The following PPP1R37 variants were observed in gnomAD, a reference collection of about 807,000 sequenced individuals.
PPP1R37 encodes the protein leucine rich repeat containing 68.
In PPP1R37, 21 loss-of-function variants were observed where a neutral mutation model predicts 61.0. That is an observed-to-expected ratio of 0.34 (90% CI 0.24 to 0.50). The LOEUF (loss-of-function observed/expected upper bound fraction) is 0.50. PPP1R37 is among the 20% of genes least tolerant of loss of function. The pLI, the probability that PPP1R37 is intolerant of heterozygous loss-of-function variation, is 0.98. For synonymous variants in PPP1R37, 443 were observed against 433.5 expected (o/e 1.02, Z -0.27); for missense variants, 910 against 952.7 (o/e 0.96, Z 0.59).
chr19:45,113,140 T>C (rs1968222877), intron 1 of PPP1R37, among the ~76,000 whole-genome samples: 1 of 151,978 alleles, frequency 6.6e-6, no homozygotes, highest in African/African-American at 2.4e-5. Context: ...CACAGAGAAA[T>C]GTGAAGCCCA....
intron 1 of PPP1R37, among the ~76,000 whole-genome samples, chr19:45,101,877 A>T (rs1231126712): frequency 6.6e-6 from 1 of 152,206 alleles, no homozygotes; most frequent in Non-Finnish European, 1.5e-5. Flanking sequence ...GATAGCTGAC[A>T]CTTGACTTCA....
At chr19:45,110,914 C>T (rs1029257276) in intron 1 of PPP1R37, among the ~76,000 whole-genome samples, 6 of 152,136 alleles carry the variant, frequency 3.9e-5, no homozygotes, top group Admixed American at 1.3e-4. Flanking sequence ...GCAGGTGGCC[C>T]GAAATAGCCT....
At chr19:45,120,865 C>T (rs1021279543) in intron 1 of PPP1R37, among the ~76,000 whole-genome samples, 2 of 152,216 alleles carry the variant, frequency 1.3e-5, no homozygotes, top group Non-Finnish European at 2.9e-5. Context: ...CCACCTGCCT[C>T]AGCCTTGGCC....
chr19:45,128,068 C>T (rs549446947), intron 1 of PPP1R37, among the ~76,000 whole-genome samples: 91 of 151,810 alleles, frequency 6.0e-4, no homozygotes, highest in African/African-American at 1.9e-3. Flanking sequence ...CCACATGTAC[C>T]CCATAAATAT....
At position 45,130,225 on chromosome 19, in the gene PPP1R37, A is replaced by G. The variant is rs1188919967; in HGVS notation, c.203-8289A>G. Reference sequence around the variant, plus strand: ...TCTGGTGTGCCATTCCTGACTGCCAACCTGCACGATCAGGTCCCCTCCCCG... The same window carrying G: ...TCTGGTGTGCCATTCCTGACTGCCAGCCTGCACGATCAGGTCCCCTCCCCG... On this transcript the variant is annotated intron_variant, in intron 1 of 12. Transcript: ENST00000221462. The surrounding 1 kb of genome is among the most constrained non-coding windows in gnomAD (Gnocchi z 4.4). 2.0e-5 allele frequency among the ~76,000 whole-genome samples: 3 copies of G among 152,094 alleles called. No individual in the cohort carries two copies. Among genetic ancestry groups the G allele is most frequent in the African/African-American group, 4.8e-5 (2 of 41,424 alleles).
intron 8 of PPP1R37, 178 bp downstream of exon 8, chr19:45,143,811 A>T: frequency 3.9e-6 from 2 of 506,910 alleles, no homozygotes; most frequent in Non-Finnish European, 7.0e-6. Flanking sequence ...GTTTTCCCTG[A>T]GGAGGAGCCC....
rs1490561719 is a variant in PPP1R37 at position 45,130,570 on chromosome 19, G to A, written c.203-7944G>A. On this transcript the variant is annotated intron_variant, in intron 1 of 12. Coordinates refer to ENST00000221462, the MANE Select transcript of PPP1R37 (RefSeq NM_019121.2). This position sits in a 1 kb window ranked among gnomAD's most constrained non-coding sequence, Gnocchi z 4.4. ...GACCTGAGCCCGGTGGGGCCTCTGG[G>A]AACACTCCTTTCAAGGCCAGCTCAC... Among the ~76,000 whole-genome samples, 1 of 152,122 alleles carries A rather than the reference G, an allele frequency of 6.6e-6. No individual in the cohort carries two copies.
chr19:45,119,398 C>T (rs560553528), intron 1 of PPP1R37, among the ~76,000 whole-genome samples: 6 of 152,272 alleles, frequency 3.9e-5, no homozygotes, highest in African/African-American at 1.4e-4. Flanking sequence ...GGTGATCTGC[C>T]CACCTTGGCC....
chr19:45,132,263 G>A (rs1004161778), intron 1 of PPP1R37, among the ~76,000 whole-genome samples: 16 of 151,962 alleles, frequency 1.1e-4, no homozygotes, highest in Non-Finnish European at 2.4e-4. Context: ...CTGCATGCTG[G>A]AAAAACAAGA....
rs774446242 is a variant in PPP1R37 at position 45,145,470 on chromosome 19, G to T, written c.1414G>T (p.Ala472Ser). The change falls in exon 11 of 13, where the codon GCC becomes TCC. Residue 472 changes from alanine (A) to serine (S), a missense_variant. Ala to Ser is a moderately conservative substitution (Grantham distance 99). Transcript: ENST00000221462. ...GAAGGAGCAGCCGCCACAGCTGTCG[G>T]CCTCCATGCCTGAGACCACCGCCAC... is the stretch of plus-strand genomic sequence containing the variant. ...EEKEQPPQLS[A>S]SMPETTATEP... is the part of the protein sequence containing the mutation. The T allele has an allele frequency of 3.6e-5, 55 of 1,534,834 alleles. No homozygotes were observed.
At chr19:45,104,186 C>G (rs1968100322) in intron 1 of PPP1R37, among the ~76,000 whole-genome samples, 1 of 152,222 alleles carries the variant, frequency 6.6e-6, no homozygotes. Context: ...AATCCCCGGA[C>G]AAAGCTCTGC....
In PPP1R37 at chr19:45,093,463, C is replaced by T; in HGVS notation, c.138C>T (p.Val46=). The change falls in exon 1 of 13, where the codon GTC becomes GTT. Residue 46 remains valine (V), a synonymous_variant. Coordinates refer to ENST00000221462, the MANE Select transcript of PPP1R37 (RefSeq NM_019121.2). ...GCCTCAAGGCTGCAGCCAAGCGCGT[C>T]ACATTCCCGTCCGACGAGGATATCG... ...DGRLKAAAKR[V]TFPSDEDIVS... 5.2e-6 allele frequency: 8 copies of T among 1,535,620 alleles called. No individual in the cohort carries two copies. The highest frequency in any genetic ancestry group is 7.0e-6 in the Non-Finnish European group (8 of 1,146,762).
intron 1 of PPP1R37, among the ~76,000 whole-genome samples, chr19:45,101,143 T>G (rs1260380904): frequency 6.6e-6 from 1 of 151,998 alleles, no homozygotes; most frequent in Non-Finnish European, 1.5e-5. Flanking sequence ...GGACTCAGAT[T>G]AGGGAGGGTC....
At chr19:45,128,676 C>A in intron 1 of PPP1R37, 1 of 1,193,402 alleles carries the variant, frequency 8.4e-7, no homozygotes. Context: ...CAAAGGCTGG[C>A]CCTGTAAGGT....
rs1169135748 is a variant in PPP1R37 at position 45,145,637 on chromosome 19, C to T, written c.1581C>T (p.Pro527=). 2.0e-6 allele frequency: 3 copies of T among 1,535,824 alleles called. No individual in the cohort carries two copies. Among genetic ancestry groups the T allele is most frequent in the Non-Finnish European group, 2.6e-6 (3 of 1,146,696 alleles). ...AGGAAGGGGAGAGGGACGAGACCCC[C>T]TGTCCTGCCCTGGTGCCCCCCACGG... The part of the protein sequence containing the change: ...EEEEGERDET[P]CPALVPPTDS... The change falls in exon 11 of 13, where the codon CCC becomes CCT. Residue 527 remains proline (P), a synonymous_variant. Coordinates refer to ENST00000221462, the MANE Select transcript of PPP1R37 (RefSeq NM_019121.2).
intron 1 of PPP1R37, among the ~76,000 whole-genome samples, chr19:45,102,222 G>A (rs1968073357): frequency 1.3e-5 from 2 of 152,226 alleles, no homozygotes; most frequent in Admixed American, 1.3e-4. Context: ...CAATATCGGT[G>A]TCTGATCAGT....
Position 45,145,521 on chromosome 19 carries a change from G to A in PPP1R37, c.1465G>A (p.Ala489Thr), listed in dbSNP as rs1312974513. 85 of 1,533,810 alleles carry A rather than the reference G, an allele frequency of 5.5e-5. No individual in the cohort carries two copies. The highest frequency in any genetic ancestry group is 7.1e-5 in the Non-Finnish European group (81 of 1,145,872). The change falls in exon 11 of 13, where the codon GCC (alanine) becomes ACC (threonine). Residue 489 changes from alanine to threonine, a missense_variant. Transcript: ENST00000221462. ...CGAGCCCCAGCCCGACGACGAGCCC[G>A]CCGCTGGGGTGCAGAACGGGGCCCC... is the stretch of plus-strand genomic sequence containing the variant. ...ATEPQPDDEP[A>T]AGVQNGAPSP...
intron 8 of PPP1R37, 94 bp from the exon 9 acceptor site, chr19:45,144,760 C>T (rs1319898245): frequency 3.6e-6 from 4 of 1,108,540 alleles, no homozygotes; most frequent in Non-Finnish European, 3.8e-6. Context: ...AGCGCCCGGG[C>T]CTGGCTCTCT....
chr19:45,117,526 G>A (rs549060415), intron 1 of PPP1R37, among the ~76,000 whole-genome samples: 7 of 152,256 alleles, frequency 4.6e-5, no homozygotes, highest in East Asian at 1.9e-4. Flanking sequence ...CTAATTGTGC[G>A]CCTGCTTTGG....
Sources: allele counts gnomAD v4.1 joint callset (sites outside exome capture counted in the v4.1 genomes callset), GRCh38; gene constraint gnomAD v4.1.1; non-coding constraint Gnocchi (gnomAD v3.1); transcripts MANE v1.5; gene names NCBI Gene and HGNC (gene_info 2026-07-23, HGNC 2026-07-21).